HADHB: variants seen among roughly 807,000 people sequenced by gnomAD.
The protein encoded by HADHB is trifunctional enzyme subunit beta, mitochondrial.
A neutral mutation model predicts 61.9 loss-of-function variants in HADHB; 50 were observed. The ratio of observed to expected loss-of-function variants is 0.81; its 90% CI spans 0.64 to 1.02. HADHB has a LOEUF of 1.02. HADHB is among the 50% of genes least tolerant of loss of function. The pLI is 0.00. For synonymous variants in HADHB, 191 were observed against 201.6 expected (o/e 0.95, Z 0.45); for missense variants, 504 against 586.5 (o/e 0.86, Z 1.45).
chr2:26,286,490 T>A (rs1263211289), intron 15 of HADHB, among the ~76,000 whole-genome samples: 1 of 152,010 alleles, frequency 6.6e-6, no homozygotes, highest in Non-Finnish European at 1.5e-5. Flanking sequence ...AAAAGGAAGA[T>A]TGTAGTTTGT....
chr2:26,286,993 C>T (rs1443542627), intron 15 of HADHB, among the ~76,000 whole-genome samples: 1 of 151,242 alleles, frequency 6.6e-6, no homozygotes, highest in African/African-American at 2.4e-5. Context: ...CACTTGAGGT[C>T]AGGAGTTCGA....
intron 15 of HADHB, among the ~76,000 whole-genome samples, chr2:26,285,958 G>C (rs1026445631): frequency 6.6e-6 from 1 of 151,572 alleles, no homozygotes; most frequent in African/African-American, 2.4e-5. Flanking sequence ...GGCTAGTCTC[G>C]AATTGCCGAC....
chr2:26,281,434 G>T (rs1321920703), intron 10 of HADHB, among the ~76,000 whole-genome samples: 1 of 152,166 alleles, frequency 6.6e-6, no homozygotes, highest in Non-Finnish European at 1.5e-5. Flanking sequence ...GTTCCAACAG[G>T]ATGGAACACC....
intron 3 of HADHB, among the ~76,000 whole-genome samples, chr2:26,259,381 A>G (rs963340764): frequency 3.3e-5 from 5 of 152,216 alleles, no homozygotes; most frequent in African/African-American, 1.2e-4. Context: ...CCTGGAGCAA[A>G]CACAATCTGT....
intron 1 of HADHB, among the ~76,000 whole-genome samples, chr2:26,253,389 ATTCCC>A (rs1327099334): frequency 6.6e-6 from 1 of 152,174 alleles, no homozygotes; most frequent in Non-Finnish European, 1.5e-5. Flanking sequence ...TTTAGTGTAT[ATTCCC>A]TTCAGATACA....
intron 3 of HADHB, among the ~76,000 whole-genome samples, chr2:26,258,920 G>A (rs893043166): frequency 7.2e-5 from 11 of 152,118 alleles, no homozygotes; most frequent in African/African-American, 2.7e-4. Flanking sequence ...CAAGCCCCGT[G>A]TTTAAAGGTG....
intron 4 of HADHB, among the ~76,000 whole-genome samples, chr2:26,269,725 C>G (rs530309695): frequency 6.6e-5 from 10 of 152,238 alleles, no homozygotes; most frequent in African/African-American, 2.2e-4. Context: ...CATTTTTGTT[C>G]GATTCTTAGC....
At chr2:26,273,087 CAAA>C (rs559000048) in intron 5 of HADHB, among the ~76,000 whole-genome samples, 2 of 131,932 alleles carry the variant, frequency 1.5e-5, no homozygotes, top group Non-Finnish European at 1.6e-5. Context: ...ATTCTTATCT[CAAA>C]AAAAAAAAAA....
chr2:26,280,222 A>T (rs1001917338), intron 10 of HADHB, 107 bp downstream of exon 10: 15 of 895,062 alleles, frequency 1.7e-5, no homozygotes, highest in Non-Finnish European at 2.4e-5. Context: ...GAGGGTTAAA[A>T]ATATAGTTAT....
intron 6 of HADHB, among the ~76,000 whole-genome samples, chr2:26,276,168 G>A (rs1672527884): frequency 6.6e-6 from 1 of 152,120 alleles, no homozygotes; most frequent in Admixed American, 6.6e-5. Flanking sequence ...CCAATAAATA[G>A]TATAATAAAA....
intron 15 of HADHB, among the ~76,000 whole-genome samples, chr2:26,288,325 T>C (rs1426701256): frequency 6.6e-6 from 1 of 151,988 alleles, no homozygotes; most frequent in Non-Finnish European, 1.5e-5. Flanking sequence ...AGAGGAGTAG[T>C]CTACCTTATT....
chr2:26,271,013 G>A (rs1315735510), intron 5 of HADHB, among the ~76,000 whole-genome samples: 1 of 150,574 alleles, frequency 6.6e-6, no homozygotes, highest in Non-Finnish European at 1.5e-5. Context: ...CGAGTACCTG[G>A]GACTACAGGC....
chr2:26,254,202 A>G, intron 1 of HADHB, 45 bp from the exon 2 acceptor site: 1 of 891,596 alleles, frequency 1.1e-6, no homozygotes. Context: ...TAAACTACAA[A>G]TTGTTCAGCT....
At chr2:26,287,967 T>C (rs1168536085) in intron 15 of HADHB, among the ~76,000 whole-genome samples, 1 of 152,122 alleles carries the variant, frequency 6.6e-6, no homozygotes, top group Non-Finnish European at 1.5e-5. Context: ...ACAGTGTGTT[T>C]AAAATAAAGC....
intron 12 of HADHB, 68 bp from the exon 13 acceptor site, chr2:26,284,049 G>A: frequency 1.2e-6 from 1 of 844,304 alleles, no homozygotes; most frequent in Non-Finnish European, 2.1e-6. Flanking sequence ...AACTCAGTTT[G>A]GGGAATATGA....
At chr2:26,260,709 T>G (rs1671826589) in intron 3 of HADHB, 6 of 357,178 alleles carry the variant, frequency 1.7e-5, no homozygotes, top group Non-Finnish European at 3.1e-5. Context: ...AAGTTAAGGA[T>G]GAGAAGGTTT....
intron 1 of HADHB, among the ~76,000 whole-genome samples, chr2:26,249,296 G>A (rs1350374040): frequency 6.6e-6 from 1 of 151,750 alleles, no homozygotes; most frequent in Admixed American, 6.6e-5. Flanking sequence ...CACTTTGGGA[G>A]GCTCAGGAGT....
At position 26,258,018 on chromosome 2, in the gene HADHB, A is replaced by C. The variant is rs190075438; in HGVS notation, c.109+3544A>C. On this transcript the variant is annotated intron_variant, in intron 3 of 15. Transcript: ENST00000317799. ...TGGGGACAGAGCAAGACTCTGTCTC[A>C]AAAAAAAAAAGATTTCTTCCAACTT... Among the ~76,000 whole-genome samples, 124 of 145,456 alleles carry C rather than the reference A, an allele frequency of 8.5e-4. 2 individuals are homozygous for C. The highest frequency in any genetic ancestry group is 3.1e-3 in the African/African-American group (120 of 38,654).
Position 26,290,048 on chromosome 2 carries a change from C to T in HADHB, c.*95C>T. Reference sequence around the variant, plus strand: ...ACTAAATGACATTTGTAGTTCCTAGCTCCTCTTAGGAAAACAGTTCTTGTG... The same window carrying T: ...ACTAAATGACATTTGTAGTTCCTAGTTCCTCTTAGGAAAACAGTTCTTGTG... On this transcript the variant is annotated 3_prime_UTR_variant, in exon 16 of 16. Transcript: ENST00000317799. 1.1e-6 allele frequency: 1 copy of T among 873,418 alleles called. No homozygotes were observed. The highest frequency in any genetic ancestry group is 1.3e-5 in the South Asian group (1 of 76,360). 54.1% of individuals were successfully genotyped at this position (873,418 alleles called of 1,614,324 possible).
Sources: gnomAD v4.1 joint callset for allele counts (sites outside exome capture counted in the v4.1 genomes callset) on GRCh38, gnomAD v4.1.1 for gene constraint, MANE v1.5 for transcripts, NCBI Gene and HGNC (gene_info 2026-07-23, HGNC 2026-07-21) for gene names.